The following ARHGAP32 variants were observed in gnomAD, a reference collection of about 807,000 sequenced individuals.
ARHGAP32 encodes rho GTPase-activating protein 32.
A neutral mutation model predicts 186.5 loss-of-function variants in ARHGAP32; 51 were observed. The observed-to-expected ratio is 0.27, with a 90% CI of 0.22 to 0.35. The LOEUF (loss-of-function observed/expected upper bound fraction) is 0.35, where lower values mean the gene tolerates loss of function less well. Among genes scored for constraint, ARHGAP32 ranks in the 10% least tolerant of loss-of-function variants. The probability of loss-of-function intolerance (pLI) is 1.00; values close to 1 mark genes in which losing one functional copy is unlikely to be tolerated. For missense variants in ARHGAP32, 2,186 were observed against 2,623.5 expected (o/e 0.83, Z 3.64); for synonymous variants, 950 against 964.3 (o/e 0.99, Z 0.27).
At chr11:129,215,057 T>A (rs1944628517) in intron 1 of ARHGAP32, among the ~76,000 whole-genome samples, 1 of 152,130 alleles carries the variant, frequency 6.6e-6, no homozygotes, top group Admixed American at 6.5e-5. Flanking sequence ...ATGAGCCACA[T>A]CCTCTACTCA....
chr11:129,091,277 G>A (rs971948038), intron 6 of ARHGAP32, among the ~76,000 whole-genome samples: 2 of 152,082 alleles, frequency 1.3e-5, no homozygotes, highest in African/African-American at 4.8e-5. Context: ...CTATCACTAA[G>A]ATTACAGTCC....
intron 1 of ARHGAP32, among the ~76,000 whole-genome samples, chr11:129,205,485 T>C (rs774999643): frequency 7.9e-5 from 12 of 152,154 alleles, no homozygotes; most frequent in Admixed American, 1.3e-4. Flanking sequence ...TTTTTAAATT[T>C]AAGAAATTTG....
intron 2 of ARHGAP32, among the ~76,000 whole-genome samples, chr11:129,131,999 C>A (rs1268937708): frequency 1.3e-5 from 2 of 152,192 alleles, no homozygotes; most frequent in African/African-American, 4.8e-5. Flanking sequence ...TAGAGGTAAA[C>A]ATCTGCCATG....
At chr11:129,157,917 C>T (rs980639686) in intron 2 of ARHGAP32, among the ~76,000 whole-genome samples, 1 of 152,084 alleles carries the variant, frequency 6.6e-6, no homozygotes, top group Non-Finnish European at 1.5e-5. Flanking sequence ...GAGTAGGGGG[C>T]CAATATTCAA....
At chr11:129,174,302 G>C (rs1222629161) in intron 1 of ARHGAP32, among the ~76,000 whole-genome samples, 1 of 152,186 alleles carries the variant, frequency 6.6e-6, no homozygotes, top group African/African-American at 2.4e-5. Flanking sequence ...CGCCCACGGA[G>C]TCTCGCTGAT....
intron 1 of ARHGAP32, among the ~76,000 whole-genome samples, chr11:129,239,911 C>T (rs1041707355): frequency 6.6e-6 from 1 of 152,168 alleles, no homozygotes; most frequent in African/African-American, 2.4e-5. Flanking sequence ...ACCAGCAGAT[C>T]CCAAATTTCT....
intron 10 of ARHGAP32, among the ~76,000 whole-genome samples, chr11:129,059,114 A>G (rs182157410): frequency 6.6e-6 from 1 of 152,332 alleles, no homozygotes; most frequent in East Asian, 1.9e-4. Context: ...GAAAACTGAC[A>G]TGAAGAACGT....
chr11:129,041,463 A>C (rs992165347), intron 10 of ARHGAP32, among the ~76,000 whole-genome samples: 5 of 150,690 alleles, frequency 3.3e-5, no homozygotes, highest in Admixed American at 1.3e-4. Context: ...CTTTTTGTGA[A>C]TTTTCTCTTC....
At chr11:129,016,220 G>C (rs1938331768) in intron 11 of ARHGAP32, among the ~76,000 whole-genome samples, 1 of 151,802 alleles carries the variant, frequency 6.6e-6, no homozygotes, top group Non-Finnish European at 1.5e-5. Context: ...TTTCTATTTT[G>C]TTGTCTTTTT....
rs748677715 is a variant in ARHGAP32 at position 128,971,130 on chromosome 11, C to T, written c.4083G>A (p.Arg1361=). 6.2e-7 allele frequency: 1 copy of T among 1,613,648 alleles called. No homozygotes were observed. The highest frequency in any genetic ancestry group is 8.5e-7 in the Non-Finnish European group (1 of 1,179,640). Reference sequence around the variant, plus strand: ...CATCCATGGCTCGAGGTTCAGGTGGCCTCTCTGGAACTGGAACTACTCCTT... The same window carrying T: ...CATCCATGGCTCGAGGTTCAGGTGGTCTCTCTGGAACTGGAACTACTCCTT... ...KVQGVVPVPE[R]PPEPRAMDDP... Residue 1361 remains arginine, a synonymous_variant, in exon 23 of 23, where the codon AGG becomes AGA. Transcript: ENST00000682385.
rs184670529 is a variant in ARHGAP32, at chr11:129,082,677, A to T, written c.531+10944T>A. Among the ~76,000 whole-genome samples the T allele has an allele frequency of 2.6e-3, 392 of 152,320 alleles. 5 individuals carry two copies. Among genetic ancestry groups the T allele is most frequent in the African/African-American group, 8.9e-3 (372 of 41,572 alleles). ...GATAACATTGGAAAAATTCTTCCAG[A>T]CACTGGCTTAGGCAAAGACTTCATA... On this transcript the variant is annotated intron_variant, in intron 6 of 22. Transcript: ENST00000682385.
At chr11:128,976,076 A>AACAT (rs1228604955) in intron 20 of ARHGAP32, among the ~76,000 whole-genome samples, 1 of 91,808 alleles carries the variant, frequency 1.1e-5, no homozygotes, top group East Asian at 3.2e-4. Flanking sequence ...GACTCTGTCT[A>AACAT]ACATATATAT....
chr11:129,063,877 A>G, intron 9 of ARHGAP32, 25 bp downstream of exon 9: 2 of 1,583,888 alleles, frequency 1.3e-6, no homozygotes, highest in South Asian at 2.3e-5. Context: ...GAACCAAATA[A>G]CAAACAACCA....
rs1945236294 is a variant in ARHGAP32 at position 128,966,993 on chromosome 11, T to G, written c.*1914A>C. Reference sequence around the variant, plus strand: ...GCACTTTGACTGTAAAACAGTTGGTTCTGCACTTTTAATGTAGAGGCCTCA... The same window carrying G: ...GCACTTTGACTGTAAAACAGTTGGTGCTGCACTTTTAATGTAGAGGCCTCA... On this transcript the variant is annotated 3_prime_UTR_variant, in exon 23 of 23. Transcript: ENST00000682385. 6.6e-6 allele frequency: 1 copy of G among 152,246 alleles called. No individual in the cohort carries two copies. The allele number at this position is 152,246 out of a possible 1,614,324, so 9.4% of individuals were successfully genotyped here. A position where few individuals can be genotyped will look rare whatever the true frequency, so the allele number is the denominator to read the frequency against.
chr11:129,079,501 C>T (rs186608274), intron 6 of ARHGAP32, among the ~76,000 whole-genome samples: 2 of 152,066 alleles, frequency 1.3e-5, no homozygotes, highest in Non-Finnish European at 1.5e-5. Context: ...AAAAACTAAG[C>T]TTCGTAAATG....
At chr11:129,106,109 G>T (rs1052739382) in intron 5 of ARHGAP32, among the ~76,000 whole-genome samples, 1 of 152,092 alleles carries the variant, frequency 6.6e-6, no homozygotes, top group African/African-American at 2.4e-5. Flanking sequence ...AAAGCAGTTT[G>T]GAGATATCTC....
chr11:129,077,256 A>T (rs1178280084), intron 6 of ARHGAP32, among the ~76,000 whole-genome samples: 1 of 152,174 alleles, frequency 6.6e-6, no homozygotes, highest in Non-Finnish European at 1.5e-5. Flanking sequence ...AACTTTGATG[A>T]AGCGCAAATT....
At chr11:129,203,995 T>A (rs1944487503) in intron 1 of ARHGAP32, among the ~76,000 whole-genome samples, 1 of 148,026 alleles carries the variant, frequency 6.8e-6, no homozygotes, top group African/African-American at 2.4e-5. Context: ...CATATGTATG[T>A]ATAATATATA....
At chr11:129,204,894 T>C (rs1406827368) in intron 1 of ARHGAP32, among the ~76,000 whole-genome samples, 1 of 151,502 alleles carries the variant, frequency 6.6e-6, no homozygotes. Context: ...AATTCTTCAA[T>C]TTTATTTTCC....
Sources: gnomAD v4.1 joint callset for allele counts (sites outside exome capture counted in the v4.1 genomes callset) on GRCh38, gnomAD v4.1.1 for gene constraint, MANE v1.5 for transcripts, NCBI Gene and HGNC (gene_info 2026-07-23, HGNC 2026-07-21) for gene names.